The following PRKD3 variants were observed in gnomAD, a reference collection of about 807,000 sequenced individuals.
PRKD3 encodes serine/threonine-protein kinase D3.
In PRKD3, 47 loss-of-function variants were observed where a neutral mutation model predicts 99.2. That is an observed-to-expected ratio of 0.47 (90% CI 0.38 to 0.60). The LOEUF (loss-of-function observed/expected upper bound fraction) is 0.60. PRKD3 is among the 20% of genes least tolerant of loss of function. The pLI is 0.00. For synonymous variants in PRKD3, 392 were observed against 355.4 expected, an observed-to-expected ratio of 1.10 and a Z score of -1.16; for missense variants, 1,019 against 1,088.4, an observed-to-expected ratio of 0.94 and a Z score of 0.90.
At chr2:37,260,471 G>GC in intron 14 of PRKD3, 87 bp from the exon 15 acceptor site, 1 of 1,229,060 alleles carries the variant, frequency 8.1e-7, no homozygotes, top group South Asian at 1.3e-5. Context: ...GTCTGAAATG[G>GC]CACAGAAAGA....
At chr2:37,321,499 A>G (rs1490325610) in intron 1 of PRKD3, among the ~76,000 whole-genome samples, 1 of 152,134 alleles carries the variant, frequency 6.6e-6, no homozygotes, top group East Asian at 1.9e-4. Flanking sequence ...TGCACACATT[A>G]TCTCATTTTT....
intron 5 of PRKD3, among the ~76,000 whole-genome samples, chr2:37,288,699 T>C (rs1408321376): frequency 1.3e-5 from 2 of 152,212 alleles, no homozygotes; most frequent in African/African-American, 4.8e-5. Context: ...CACTATCTCT[T>C]ACTAATTTGC....
intron 7 of PRKD3, 28 bp from the exon 8 acceptor site, chr2:37,279,957 G>T: frequency 6.7e-7 from 1 of 1,482,030 alleles, no homozygotes; most frequent in Non-Finnish European, 9.2e-7. Flanking sequence ...GAATTTCAGA[G>T]TTTTATATTA....
At chr2:37,295,030 G>A (rs1176762206) in intron 2 of PRKD3, among the ~76,000 whole-genome samples, 1 of 152,184 alleles carries the variant, frequency 6.6e-6, no homozygotes, top group African/African-American at 2.4e-5. Flanking sequence ...AGCCAAGATT[G>A]CACAACTGCA....
At chr2:37,256,097 T>C (rs1321534275) in intron 17 of PRKD3, among the ~76,000 whole-genome samples, 1 of 152,136 alleles carries the variant, frequency 6.6e-6, no homozygotes, top group Non-Finnish European at 1.5e-5. Flanking sequence ...CAGGGAACTT[T>C]ATAGATGAGC....
At chr2:37,323,942 T>G (rs13015451) in intron 1 of PRKD3, among the ~76,000 whole-genome samples, 3 of 152,006 alleles carry the variant, frequency 2.0e-5, no homozygotes, top group Admixed American at 1.3e-4. Flanking sequence ...ACTTGTCGCT[T>G]GAATCGTATG....
chr2:37,267,444 C>G lies in PRKD3; in HGVS notation c.1870G>C (p.Val624Leu), dbSNP rs1180438948. 6.3e-7 allele frequency: 1 copy of G among 1,599,012 alleles called. No homozygotes were observed. The highest frequency in any genetic ancestry group is 8.5e-7 in the Non-Finnish European group (1 of 1,170,206). Reference protein sequence around the residue: ...TKQESQLRNEVAILQNLHHPG... With the variant: ...TKQESQLRNELAILQNLHHPG... Reference sequence around the variant, plus strand: ...TTTATTTTTACCTGTAAAATAGCCACTTCATTACGGAGTTGACTTTCTTGT... The same window carrying G: ...TTTATTTTTACCTGTAAAATAGCCAGTTCATTACGGAGTTGACTTTCTTGT... The change falls in exon 14 of 19, where the codon GTG (valine) becomes CTG (leucine). Residue 624 changes from valine to leucine, a missense_variant. Val to Leu is a conservative substitution (Grantham distance 32). Coordinates refer to ENST00000234179, the MANE Select transcript of PRKD3 (RefSeq NM_005813.6).
At chr2:37,258,575 T>C (rs1396620710) in intron 16 of PRKD3, among the ~76,000 whole-genome samples, 1 of 152,190 alleles carries the variant, frequency 6.6e-6, no homozygotes, top group African/African-American at 2.4e-5. Context: ...ATGTTACCAG[T>C]AGGAGTGTGC....
intron 16 of PRKD3, 46 bp from the exon 17 acceptor site, chr2:37,256,975 A>G: frequency 1.3e-6 from 2 of 1,593,664 alleles, no homozygotes; most frequent in Non-Finnish European, 1.7e-6. Flanking sequence ...AGTGTTATAT[A>G]TGTAACTACC....
intron 2 of PRKD3, among the ~76,000 whole-genome samples, chr2:37,308,729 A>C (rs563192187): frequency 1.3e-5 from 2 of 152,312 alleles, no homozygotes; most frequent in Admixed American, 6.5e-5. Context: ...TGCTAGGATC[A>C]CAGACATGGG....
intron 5 of PRKD3, among the ~76,000 whole-genome samples, chr2:37,287,679 A>T (rs1670187797): frequency 1.3e-5 from 2 of 152,172 alleles, no homozygotes; most frequent in African/African-American, 4.8e-5. Context: ...CTAGTATATA[A>T]CAGGGCCTGG....
At chr2:37,256,371 C>A (rs920983281) in intron 17 of PRKD3, among the ~76,000 whole-genome samples, 1 of 152,054 alleles carries the variant, frequency 6.6e-6, no homozygotes, top group African/African-American at 2.4e-5. Flanking sequence ...TAGGAAGGAC[C>A]AGAAAAGAGT....
At chr2:37,271,768 G>A (rs1045712678) in intron 12 of PRKD3, among the ~76,000 whole-genome samples, 1 of 152,116 alleles carries the variant, frequency 6.6e-6, no homozygotes, top group Admixed American at 6.5e-5. Context: ...CCCTACCTCC[G>A]TGGAAAAACT....
At chr2:37,304,956 TA>T (rs1056839589) in intron 2 of PRKD3, among the ~76,000 whole-genome samples, 1 of 142,682 alleles carries the variant, frequency 7.0e-6, no homozygotes, top group Non-Finnish European at 1.5e-5. Context: ...ATAGTAGAAT[TA>T]AAAAAAAATT....
At chr2:37,319,721 T>C (rs1008372415) in intron 1 of PRKD3, among the ~76,000 whole-genome samples, 15 of 151,722 alleles carry the variant, frequency 9.9e-5, no homozygotes, top group African/African-American at 3.6e-4. Flanking sequence ...ATTATGTTTA[T>C]ATCTATGGTC....
rs1667631925 is a variant in PRKD3, at chr2:37,252,957, G to C, written c.*220C>G. ...ACCAGTTATTGCTTAGGCTAAAAAA[G>C]TTTATAAAAAGCTTCACCTTGATTC... On this transcript the variant is annotated 3_prime_UTR_variant, in exon 19 of 19. Coordinates refer to ENST00000234179, the MANE Select transcript of PRKD3 (RefSeq NM_005813.6). The C allele has an allele frequency of 5.2e-6, 2 of 383,142 alleles. No individual in the cohort carries two copies. The highest frequency in any genetic ancestry group is 2.1e-5 in the African/African-American group (1 of 48,126). 23.7% of individuals were successfully genotyped at this position (383,142 alleles called of 1,614,324 possible).
At chr2:37,310,384 A>G (rs1671374481) in intron 2 of PRKD3, among the ~76,000 whole-genome samples, 5 of 152,216 alleles carry the variant, frequency 3.3e-5, no homozygotes, top group Admixed American at 3.3e-4. Context: ...ATACACACAC[A>G]ATGATGAGAG....
chr2:37,254,163 T>G lies in PRKD3; in HGVS notation c.2499+41A>C, dbSNP rs992309834. On this transcript the variant is annotated intron_variant, in intron 18 of 18. Coordinates refer to ENST00000234179, the MANE Select transcript of PRKD3 (RefSeq NM_005813.6). ...GGTGGGACAAATCAGAGTGAACTAC[T>G]CAAATGAGGATTGCCAAAGAGAGAT... 3 of 1,452,664 alleles carry G rather than the reference T, an allele frequency of 2.1e-6. No homozygotes were observed. The African/African-American group carries it at 4.2e-5, about 20-fold the overall frequency. The allele number at this position is 1,452,664 out of a possible 1,614,324, so 90.0% of individuals were successfully genotyped here. A position where few individuals can be genotyped will look rare whatever the true frequency, so the allele number is the denominator to read the frequency against.
intron 1 of PRKD3, among the ~76,000 whole-genome samples, chr2:37,323,960 G>A (rs1033015054): frequency 7.2e-5 from 11 of 151,728 alleles, no homozygotes; most frequent in African/African-American, 2.4e-4. Flanking sequence ...ATGTGTGCCT[G>A]CAGACGGCAA....
Sources: gnomAD v4.1 joint callset for allele counts (sites outside exome capture counted in the v4.1 genomes callset) on GRCh38, gnomAD v4.1.1 for gene constraint, MANE v1.5 for transcripts, NCBI Gene and HGNC (gene_info 2026-07-23, HGNC 2026-07-21) for gene names.